The following SLC2A1 variants were observed in gnomAD, a reference collection of about 807,000 sequenced individuals.
The protein encoded by SLC2A1 is solute carrier family 2, facilitated glucose transporter member 1.
In SLC2A1, 4 loss-of-function variants were observed where a neutral mutation model predicts 46.6. The observed-to-expected ratio is 0.09, with a 90% CI of 0.04 to 0.20. The LOEUF (loss-of-function observed/expected upper bound fraction) is 0.20, where lower values mean the gene tolerates loss of function less well. SLC2A1 is among the 10% of genes least tolerant of loss of function. The pLI is 1.00. For synonymous variants in SLC2A1, 253 were observed against 270.0 expected, an observed-to-expected ratio of 0.94 and a Z score of 0.62; for missense variants, 352 against 667.0, an observed-to-expected ratio of 0.53 and a Z score of 5.20.
In SLC2A1 at chr1:42,927,497, TCA is replaced by T. The variant is rs907850743; in HGVS notation, c.1278+106_1278+107del. On this transcript the variant is annotated intron_variant, in intron 9 of 9. Coordinates refer to ENST00000426263, the MANE Select transcript of SLC2A1 (RefSeq NM_006516.4). The surrounding 1 kb of genome is among the most constrained non-coding windows in gnomAD (Gnocchi z 5.3). ...GTCATGTGACCTGGGCTTCCTACCCTCAGTTTCCTCCTCAGCATGATTCCTAA... is the reference window on the plus strand; with the variant it reads ...GTCATGTGACCTGGGCTTCCTACCCTGTTTCCTCCTCAGCATGATTCCTAA... 9 of 1,157,280 alleles carry T rather than the reference TCA, an allele frequency of 7.8e-6. No individual in the cohort carries two copies. Among genetic ancestry groups the T allele is most frequent in the Non-Finnish European group, 1.0e-5 (8 of 785,924 alleles). 71.7% of individuals were successfully genotyped at this position (1,157,280 alleles called of 1,614,324 possible).
rs118098303 is a variant in SLC2A1, at chr1:42,933,023, C to G, written c.115-1817G>C. On this transcript the variant is annotated intron_variant, in intron 2 of 9. Transcript: ENST00000426263. ...CTAAATTCAGGTCCTAGCTCCACCC[C>G]TTATTTCCAGTGTGACCATGAGCAA... Among the ~76,000 whole-genome samples the G allele has an allele frequency of 1.3e-3, 203 of 152,344 alleles. 3 individuals carry two copies. The East Asian group carries it at 0.035, about 26-fold the overall frequency.
At chr1:42,947,719 A>G (rs1643674282) in intron 1 of SLC2A1, among the ~76,000 whole-genome samples, 1 of 152,082 alleles carries the variant, frequency 6.6e-6, no homozygotes, top group Admixed American at 6.6e-5. Flanking sequence ...GAGATAAAAA[A>G]AAGGAATGGA....
rs150960456 is a variant in SLC2A1, at chr1:42,929,792, G to A, written c.680-12C>T. 3.6e-4 allele frequency: 576 copies of A among 1,614,222 alleles called. No individual in the cohort carries two copies. Among genetic ancestry groups the A allele is most frequent in the African/African-American group, 2.9e-3 (220 of 75,052 alleles). On this transcript the variant is annotated splice_polypyrimidine_tract_variant and intron_variant, in intron 5 of 9. Coordinates refer to ENST00000426263, the MANE Select transcript of SLC2A1 (RefSeq NM_006516.4). The surrounding 1 kb of genome is among the most constrained non-coding windows in gnomAD (Gnocchi z 6.0). ...CAGCTTCTTTAGCACTGGGGGGACC[G>A]GAGGGAAGGTGAGGGTGGCTCAGAG...
At chr1:42,940,301 A>G (rs552919572) in intron 2 of SLC2A1, among the ~76,000 whole-genome samples, 77 of 152,278 alleles carry the variant, frequency 5.1e-4, no homozygotes, top group African/African-American at 1.8e-3. Context: ...CCACAAGGCC[A>G]CCATCGCCTC....
chr1:42,930,165 A>T lies in SLC2A1; in HGVS notation c.517-130T>A. On this transcript the variant is annotated intron_variant, in intron 4 of 9. Transcript: ENST00000426263. This position sits in a 1 kb window ranked among gnomAD's most constrained non-coding sequence, Gnocchi z 6.2. ...GGGCCCCAGTTCTAGAGGCTCTGCCACTAGCATGAGCCCTGTTTCTCAGTT... is the reference window on the plus strand; with the variant it reads ...GGGCCCCAGTTCTAGAGGCTCTGCCTCTAGCATGAGCCCTGTTTCTCAGTT... 1.0e-6 allele frequency: 1 copy of T among 990,412 alleles called. No homozygotes were observed. The highest frequency in any genetic ancestry group is 1.6e-6 in the Non-Finnish European group (1 of 640,882). The allele number at this position is 990,412 out of a possible 1,614,324, so 61.4% of individuals were successfully genotyped here. A position where few individuals can be genotyped will look rare whatever the true frequency, so the allele number is the denominator to read the frequency against.
Position 42,958,545 on chromosome 1 carries a change from G to A in SLC2A1, c.18+89C>T. 3.5e-6 allele frequency: 4 copies of A among 1,159,002 alleles called. No homozygotes were observed. In the South Asian group the frequency reaches 5.4e-5, roughly 16 times the overall value. 71.8% of individuals were successfully genotyped at this position (1,159,002 alleles called of 1,614,324 possible). On this transcript the variant is annotated intron_variant, in intron 1 of 9. Coordinates refer to ENST00000426263, the MANE Select transcript of SLC2A1 (RefSeq NM_006516.4). The stretch of plus-strand genomic sequence containing the variant: ...CCCGCCCCGGGCGCACAGCGCAGCG[G>A]GGCGGCGGGGGAGGCCCTGGCCGGC...
chr1:42,931,249 G>A, intron 2 of SLC2A1, 43 bp from the exon 3 acceptor site: 1 of 1,599,376 alleles, frequency 6.3e-7, no homozygotes, highest in Non-Finnish European at 8.5e-7. Context: ...CCAGGGGCCA[G>A]GACCCAGTCT....
chr1:42,947,056 T>C (rs900836), intron 1 of SLC2A1, among the ~76,000 whole-genome samples: 119,399 of 152,140 alleles, frequency 0.78, 46,966 homozygotes, highest in African/African-American at 0.79. Flanking sequence ...GCTGGATCGG[T>C]GAAGAATAGC....
chr1:42,940,241 A>G (rs570469871), intron 2 of SLC2A1, among the ~76,000 whole-genome samples: 87 of 152,106 alleles, frequency 5.7e-4, no homozygotes, highest in African/African-American at 1.8e-3. Flanking sequence ...TCTTCACCCA[A>G]TCGTAGTGAG....
chr1:42,936,327 C>T (rs1054015722), intron 2 of SLC2A1, among the ~76,000 whole-genome samples: 1 of 152,204 alleles, frequency 6.6e-6, no homozygotes. Context: ...GCCTGGCCTT[C>T]ACCCCTGTTC....
At chr1:42,951,271 T>C (rs550859964) in intron 1 of SLC2A1, among the ~76,000 whole-genome samples, 11 of 152,308 alleles carry the variant, frequency 7.2e-5, no homozygotes, top group Admixed American at 6.5e-4. Context: ...AATGAAGTAT[T>C]ATGCAGCTAT....
chr1:42,958,265 G>A (rs949952984), intron 1 of SLC2A1, among the ~76,000 whole-genome samples: 6 of 151,500 alleles, frequency 4.0e-5, no homozygotes, highest in Non-Finnish European at 7.4e-5. Context: ...CGCACCGGGA[G>A]GGGCCGAGGC....
chr1:42,940,923 T>A (rs1036283085), intron 2 of SLC2A1, among the ~76,000 whole-genome samples: 1 of 152,150 alleles, frequency 6.6e-6, no homozygotes, highest in African/African-American at 2.4e-5. Context: ...TTCCTGCACA[T>A]CCCACGGCCA....
rs764688718 is a variant in SLC2A1, at chr1:42,930,915, C to T, written c.276-49G>A. On this transcript the variant is annotated intron_variant, in intron 3 of 9. Transcript: ENST00000426263. This position sits in a 1 kb window ranked among gnomAD's most constrained non-coding sequence, Gnocchi z 6.2. Reference sequence around the variant, plus strand: ...GCCAGTGCCCACATTCCTTGGGCTCCGAGGGGCTGGGTCAGAGGTAATACC... The same window carrying T: ...GCCAGTGCCCACATTCCTTGGGCTCTGAGGGGCTGGGTCAGAGGTAATACC... The T allele has an allele frequency of 1.6e-5, 25 of 1,603,634 alleles. No homozygotes were observed. The highest frequency in any genetic ancestry group is 2.2e-5 in the East Asian group (1 of 44,866).
At chr1:42,942,107 G>C (rs749241832) in intron 2 of SLC2A1, among the ~76,000 whole-genome samples, 1 of 152,248 alleles carries the variant, frequency 6.6e-6, no homozygotes, top group Non-Finnish European at 1.5e-5. Context: ...GTCTGGACAA[G>C]AAATGTGGTC....
At chr1:42,958,415 G>A (rs957401720) in intron 1 of SLC2A1, among the ~76,000 whole-genome samples, 1 of 150,574 alleles carries the variant, frequency 6.6e-6, no homozygotes, top group African/African-American at 2.4e-5. Context: ...CGCACGCGGC[G>A]CCCTCCGGCC....
chr1:42,927,658 A>C lies in SLC2A1; in HGVS notation c.1225T>G (p.Phe409Val), dbSNP rs1318652576. The change falls in exon 9 of 10, where the codon TTC becomes GTC. Residue 409 changes from phenylalanine to valine, a missense_variant. Physicochemically the swap from Phe to Val is conservative, Grantham distance 50 (BLOSUM62 -1). This residue lies in a region of SLC2A1 where 35 missense variants were observed against 107.2 expected (regional missense o/e 0.33). Coordinates refer to ENST00000426263, the MANE Select transcript of SLC2A1 (RefSeq NM_006516.4). This position sits in a 1 kb window ranked among gnomAD's most constrained non-coding sequence, Gnocchi z 5.3. Reference protein sequence around the residue: ...PRPAAIAVAGFSNWTSNFIVG... With the variant: ...PRPAAIAVAGVSNWTSNFIVG... ...ATGAAATTTGAGGTCCAGTTGGAGA[A>C]GCCTGCAACGGCAATGGCAGCTGGA... 6.2e-7 allele frequency: 1 copy of C among 1,614,194 alleles called. No homozygotes were observed. Among genetic ancestry groups the C allele is most frequent in the Admixed American group, 1.7e-5 (1 of 60,024 alleles).
At position 42,958,704 on chromosome 1, in the gene SLC2A1, G is replaced by A; in HGVS notation, c.-53C>T. 1 of 1,526,800 alleles carries A rather than the reference G, an allele frequency of 6.5e-7. No homozygotes were observed. The allele number at this position is 1,526,800 out of a possible 1,614,324, so 94.6% of individuals were successfully genotyped here. The stretch of plus-strand genomic sequence containing the variant: ...GCGCCGGGTACGCGGGTGGCGACGG[G>A]CGTGCGAGCGGCGCTCTCCCGCTCA... On this transcript the variant is annotated 5_prime_UTR_variant, in exon 1 of 10. Coordinates refer to ENST00000426263, the MANE Select transcript of SLC2A1 (RefSeq NM_006516.4).
rs192231492 is a variant in SLC2A1, at chr1:42,939,438, T to C, written c.114+3788A>G. The stretch of plus-strand genomic sequence containing the variant: ...GCTTCGGTCTGCTGGGGCTGGTTCC[T>C]GAAGTGACCTTTGGACAGGTGACCA... On this transcript the variant is annotated intron_variant, in intron 2 of 9. Transcript: ENST00000426263. Among the ~76,000 whole-genome samples, 939 of 152,358 alleles carry C rather than the reference T, an allele frequency of 6.2e-3. 2 individuals carry two copies. The highest frequency in any genetic ancestry group is 7.0e-3 in the Non-Finnish European group (476 of 68,040).
Sources: allele counts gnomAD v4.1 joint callset (sites outside exome capture counted in the v4.1 genomes callset), GRCh38; gene constraint gnomAD v4.1.1; regional missense constraint gnomAD v4.1.1; non-coding constraint Gnocchi (gnomAD v3.1); transcripts MANE v1.5; gene names NCBI Gene and HGNC (gene_info 2026-07-23, HGNC 2026-07-21).